Variants in CEP85 observed in about 807,000 individuals in gnomAD.
The protein encoded by CEP85 is centrosomal protein 85.
CEP85 carries 58 observed loss-of-function variants against 93.7 expected under a neutral mutation model. The ratio of observed to expected loss-of-function variants is 0.62; its 90% CI spans 0.50 to 0.77. The LOEUF is 0.77. Ranked by LOEUF, CEP85 falls within the 30% of genes least tolerant of loss-of-function variation. The pLI is 0.00. For synonymous variants in CEP85, 314 were observed against 338.6 expected, an observed-to-expected ratio of 0.93 and a Z score of 0.80; for missense variants, 868 against 922.0, an observed-to-expected ratio of 0.94 and a Z score of 0.76.
At chr1:26,258,458 A>G (rs1442979283) in intron 6 of CEP85, among the ~76,000 whole-genome samples, 198 bp downstream of exon 6, 5 of 152,212 alleles carry the variant, frequency 3.3e-5, no homozygotes, top group Non-Finnish European at 7.3e-5. Context: ...ACCAGGTGAA[A>G]GTCCAGATGC....
At chr1:26,254,455 C>T (rs1362732086) in intron 3 of CEP85, 1 of 151,662 alleles carries the variant, frequency 6.6e-6, no homozygotes. Context: ...GTTGGGTACA[C>T]ACAAGGGGGC....
At chr1:26,248,535 G>T (rs902108593) in intron 3 of CEP85, among the ~76,000 whole-genome samples, 1 of 151,650 alleles carries the variant, frequency 6.6e-6, no homozygotes, top group Non-Finnish European at 1.5e-5. Flanking sequence ...TCGCTCTGTC[G>T]CCCAGGCTGG....
chr1:26,254,260 C>T (rs2089662258), intron 3 of CEP85, among the ~76,000 whole-genome samples: 1 of 152,160 alleles, frequency 6.6e-6, no homozygotes, highest in Non-Finnish European at 1.5e-5. Flanking sequence ...AGTATGTTAC[C>T]TCACATTCCT....
intron 2 of CEP85, 54 bp downstream of exon 2, chr1:26,239,892 A>G: frequency 7.6e-7 from 1 of 1,314,752 alleles, no homozygotes; most frequent in Non-Finnish European, 1.1e-6. Flanking sequence ...CTGTTTTTTC[A>G]TATTCCTTAA....
intron 7 of CEP85, among the ~76,000 whole-genome samples, chr1:26,265,210 C>T (rs1412350289): frequency 6.6e-6 from 1 of 152,064 alleles, no homozygotes; most frequent in Non-Finnish European, 1.5e-5. Flanking sequence ...TCTCAAACTC[C>T]TGACCTCATG....
In CEP85 at chr1:26,276,739, T is replaced by C; in HGVS notation, c.2107T>C (p.Ser703Pro). The change falls in exon 13 of 14, where the codon TCC (serine) becomes CCC (proline). Residue 703 changes from serine to proline, a missense_variant. Physicochemically the swap from Ser to Pro is moderately conservative, Grantham distance 74 (BLOSUM62 -1). Transcript: ENST00000451429. ...GGCCCAGGGCCATGACCCCAATCTC[T>C]CCCTGCTCCTGGGCATTCACTGTGA... ...QRAQGHDPNL[S>P]LLLGIHSQHP... 1.2e-6 allele frequency: 2 copies of C among 1,613,524 alleles called. No individual in the cohort carries two copies. The highest frequency in any genetic ancestry group is 2.7e-5 in the African/African-American group (2 of 75,006).
chr1:26,244,006 A>C (rs903773710), intron 2 of CEP85, among the ~76,000 whole-genome samples, 160 bp from the exon 3 acceptor site: 15 of 151,182 alleles, frequency 9.9e-5, no homozygotes, highest in African/African-American at 3.4e-4. Flanking sequence ...AAAAAAAAAA[A>C]AAAAAAAAAA....
intron 6 of CEP85, among the ~76,000 whole-genome samples, chr1:26,258,958 A>G (rs1031194338): frequency 8.7e-4 from 133 of 152,160 alleles, no homozygotes; most frequent in African/African-American, 3.1e-3. Flanking sequence ...ACTGAGATCA[A>G]TGGTTGTGGG....
chr1:26,269,317 C>T, intron 8 of CEP85, 143 bp from the exon 9 acceptor site: 1 of 725,290 alleles, frequency 1.4e-6, no homozygotes, highest in Non-Finnish European at 2.3e-6. Flanking sequence ...CGAGGAGCAC[C>T]CTTTCTGCAG....
At chr1:26,257,308 G>C (rs1005578851) in intron 4 of CEP85, among the ~76,000 whole-genome samples, 2 of 152,264 alleles carry the variant, frequency 1.3e-5, no homozygotes, top group East Asian at 3.9e-4. Context: ...TTCCTTGGTT[G>C]GTGAGGACAT....
intron 2 of CEP85, among the ~76,000 whole-genome samples, chr1:26,243,735 C>T (rs1273310933): frequency 6.6e-6 from 1 of 152,126 alleles, no homozygotes; most frequent in East Asian, 1.9e-4. Flanking sequence ...CGCAGTGGCT[C>T]ACACCTGTAA....
Position 26,277,371 on chromosome 1 carries a change from C to A in CEP85, c.*78C>A. ...CAGCAGGTTTCTGCCCTGACATTCT[C>A]TTGTCTGCTATTCCCAGAGAGGTCT... On this transcript the variant is annotated 3_prime_UTR_variant, in exon 14 of 14. Coordinates refer to ENST00000451429, the MANE Select transcript of CEP85 (RefSeq NM_001319944.2). 1 of 1,414,530 alleles carries A rather than the reference C, an allele frequency of 7.1e-7. No homozygotes were observed. The allele number at this position is 1,414,530 out of a possible 1,614,324, so 87.6% of individuals were successfully genotyped here. A position where few individuals can be genotyped will look rare whatever the true frequency, so the allele number is the denominator to read the frequency against.
intron 3 of CEP85, chr1:26,254,841 T>G (rs562965942): frequency 7.6e-6 from 2 of 263,722 alleles, no homozygotes; most frequent in Admixed American, 4.8e-5. Flanking sequence ...AAGTAAGTAA[T>G]TTGTTTTAAA....
intron 11 of CEP85, among the ~76,000 whole-genome samples, chr1:26,274,167 G>A (rs1010532259): frequency 4.0e-5 from 6 of 150,478 alleles, no homozygotes; most frequent in Non-Finnish European, 8.9e-5. Flanking sequence ...TCCCCTGACC[G>A]CTCCTACACA....
At chr1:26,269,746 A>G in intron 9 of CEP85, 132 bp downstream of exon 9, 2 of 542,974 alleles carry the variant, frequency 3.7e-6, no homozygotes, top group Admixed American at 3.2e-5. Context: ...TTTTCTTTGG[A>G]CTGTGAATAA....
intron 7 of CEP85, among the ~76,000 whole-genome samples, chr1:26,260,319 C>T (rs571703132): frequency 2.0e-4 from 30 of 152,160 alleles, no homozygotes; most frequent in African/African-American, 6.3e-4. Flanking sequence ...GGTGAAACCC[C>T]GTCTCTACTA....
chr1:26,277,888 A>G lies in CEP85; in HGVS notation c.*595A>G, dbSNP rs1226701472. 2.6e-5 allele frequency: 4 copies of G among 152,964 alleles called. No homozygotes were observed. The highest frequency in any genetic ancestry group is 3.8e-4 in the East Asian group (2 of 5,198). 9.5% of individuals were successfully genotyped at this position (152,964 alleles called of 1,614,324 possible). A position where few individuals can be genotyped will look rare whatever the true frequency, so the allele number is the denominator to read the frequency against. ...ACGTAACTACTAGGATTGGGGCCCT[A>G]GGGATTATAGCCAGGACTCTAATCT... On this transcript the variant is annotated 3_prime_UTR_variant, in exon 14 of 14. Transcript: ENST00000451429.
intron 4 of CEP85, among the ~76,000 whole-genome samples, chr1:26,257,121 C>T (rs751157672): frequency 7.9e-5 from 12 of 152,170 alleles, no homozygotes; most frequent in East Asian, 3.9e-4. Context: ...TTATTAGAGA[C>T]GGGTTTTCAC....
chr1:26,244,201 A>C lies in CEP85; in HGVS notation c.91A>C (p.Thr31Pro). 1 of 1,613,212 alleles carries C rather than the reference A, an allele frequency of 6.2e-7. No individual in the cohort carries two copies. The highest frequency in any genetic ancestry group is 8.5e-7 in the Non-Finnish European group (1 of 1,179,748). ...DVIQKGSSLG[T>P]EWQTPVISEP... The stretch of plus-strand genomic sequence containing the variant: ...GATTCAGAAGGGCAGTTCCCTGGGG[A>C]CTGAATGGCAGACCCCAGTTATCTC... The change falls in exon 3 of 14, where the codon ACT (threonine) becomes CCT (proline). Residue 31 changes from threonine to proline, a missense_variant. Coordinates refer to ENST00000451429, the MANE Select transcript of CEP85 (RefSeq NM_001319944.2).
Sources: allele counts gnomAD v4.1 joint callset (sites outside exome capture counted in the v4.1 genomes callset), GRCh38; gene constraint gnomAD v4.1.1; transcripts MANE v1.5; gene names NCBI Gene and HGNC (gene_info 2026-07-23, HGNC 2026-07-21).